ANKRD30BL: variants seen among roughly 807,000 people sequenced by gnomAD.
The protein encoded by ANKRD30BL is ankyrin repeat domain 30B like.
In ANKRD30BL, 20 loss-of-function variants were observed where a neutral mutation model predicts 18.4. The ratio of observed to expected loss-of-function variants is 1.09; its 90% CI spans 0.77 to 1.58. The LOEUF (loss-of-function observed/expected upper bound fraction) is 1.58. ANKRD30BL is among the 40% of genes most tolerant of loss of function. The pLI is 0.00. For synonymous variants in ANKRD30BL, 72 were observed against 100.9 expected (o/e 0.71, Z 1.72); for missense variants, 224 against 268.6 (o/e 0.83, Z 1.16).
At chr2:132,177,443 T>G (rs1688383808) in intron 1 of ANKRD30BL, among the ~76,000 whole-genome samples, 1 of 152,202 alleles carries the variant, frequency 6.6e-6, no homozygotes, top group Non-Finnish European at 1.5e-5. Context: ...TGAGCCACTG[T>G]GCCCAGTTGT....
intron 1 of ANKRD30BL, among the ~76,000 whole-genome samples, chr2:132,214,926 T>G (rs575933153): frequency 1.4e-3 from 208 of 152,054 alleles, no homozygotes; most frequent in African/African-American, 4.7e-3. Flanking sequence ...TTCTTTGTAT[T>G]GAGCAGGTTT....
chr2:132,164,683 C>T (rs188649595), upstream of ANKRD30BL, among the ~76,000 whole-genome samples: 1 of 152,322 alleles, frequency 6.6e-6, no homozygotes, highest in East Asian at 1.9e-4. Flanking sequence ...GATTTTCTAT[C>T]ACATTCTGCA....
In ANKRD30BL at chr2:132,157,421, G is replaced by A; in HGVS notation, c.221C>T (p.Thr74Ile). Reference sequence around the variant, plus strand: ...ATTGGCACAGGCCCAGTATAGAGCAGTCCTACAAGAATGAGAGGCCTTTTA... The same window carrying A: ...ATTGGCACAGGCCCAGTATAGAGCAATCCTACAAGAATGAGAGGCCTTTTA... ...DLNIRDAKKRTALYWACANGH... is the reference protein window; with the variant it reads ...DLNIRDAKKRIALYWACANGH... The change falls in exon 2 of 6, where the codon ACT (threonine) becomes ATT (isoleucine). Residue 74 changes from threonine to isoleucine, a missense_variant and splice_region_variant. Physicochemically the swap from Thr to Ile is moderately conservative, Grantham distance 89 (BLOSUM62 -1). Transcript: ENST00000409867. 1.5e-6 allele frequency: 1 copy of A among 671,838 alleles called. No individual in the cohort carries two copies. The highest frequency in any genetic ancestry group is 2.7e-6 in the Non-Finnish European group (1 of 363,792). The allele number at this position is 671,838 out of a possible 1,614,324, so 41.6% of individuals were successfully genotyped here.
At chr2:132,194,424 C>T (rs190477351) in intron 1 of ANKRD30BL, among the ~76,000 whole-genome samples, 117 of 152,368 alleles carry the variant, frequency 7.7e-4, no homozygotes, top group African/African-American at 2.7e-3. Flanking sequence ...TCTGGAAGCA[C>T]TTCTACACTT....
chr2:132,231,931 C>A (rs1220819408), intron 1 of ANKRD30BL, among the ~76,000 whole-genome samples: 1 of 152,218 alleles, frequency 6.6e-6, no homozygotes, highest in African/African-American at 2.4e-5. Flanking sequence ...ACTTAAATGT[C>A]CCTGTCTGAC....
At chr2:132,172,357 A>G (rs1253102581) in intron 1 of ANKRD30BL, among the ~76,000 whole-genome samples, 1 of 152,200 alleles carries the variant, frequency 6.6e-6, no homozygotes, top group African/African-American at 2.4e-5. Flanking sequence ...AAGTGTTCCC[A>G]TTGACTCTAA....
At chr2:132,246,158 G>A (rs1215137627) in intron 1 of ANKRD30BL, among the ~76,000 whole-genome samples, 4 of 151,992 alleles carry the variant, frequency 2.6e-5, no homozygotes, top group East Asian at 1.9e-4. Context: ...AGCATTCTCC[G>A]AAACTTCTTT....
chr2:132,202,460 A>G (rs1185684077), intron 1 of ANKRD30BL, among the ~76,000 whole-genome samples: 1 of 151,524 alleles, frequency 6.6e-6, no homozygotes, highest in Non-Finnish European at 1.5e-5. Context: ...TGGGACTTGA[A>G]TATTTTAAGA....
At chr2:132,254,648 AGGGTAG>A (rs1042468604) in intron 1 of ANKRD30BL, among the ~76,000 whole-genome samples, 4 of 152,352 alleles carry the variant, frequency 2.6e-5, no homozygotes, top group Admixed American at 2.0e-4. Flanking sequence ...TCTGCCACAT[AGGGTAG>A]GCACACGCTG....
intron 1 of ANKRD30BL, among the ~76,000 whole-genome samples, chr2:132,224,213 T>C (rs1679779392): frequency 6.6e-6 from 1 of 152,050 alleles, no homozygotes; most frequent in African/African-American, 2.4e-5. Flanking sequence ...TGAACCTTTC[T>C]TTTGATAGAG....
chr2:132,225,963 G>T (rs1057381213), intron 1 of ANKRD30BL, among the ~76,000 whole-genome samples: 20 of 152,096 alleles, frequency 1.3e-4, no homozygotes, highest in Non-Finnish European at 2.6e-4. Flanking sequence ...GAATCTGCAA[G>T]TGGACATTTG....
intron 1 of ANKRD30BL, among the ~76,000 whole-genome samples, chr2:132,204,434 TATA>T (rs1228931684): frequency 3.7e-3 from 480 of 129,996 alleles, no homozygotes; most frequent in African/African-American, 5.6e-3. Context: ...TGTCTATACT[TATA>T]CTATATACAT....
At chr2:132,254,277 G>T (rs572228832) in intron 1 of ANKRD30BL, among the ~76,000 whole-genome samples, 32 of 152,188 alleles carry the variant, frequency 2.1e-4, no homozygotes, top group African/African-American at 7.2e-4. Context: ...CCATGCATGC[G>T]CCACAGGGGA....
chr2:132,150,547 A>T (rs556000421), intron 5 of ANKRD30BL, among the ~76,000 whole-genome samples: 6 of 151,736 alleles, frequency 4.0e-5, no homozygotes, highest in African/African-American at 1.4e-4. Flanking sequence ...CACACCAAGG[A>T]TTATACATTT....
At chr2:132,224,550 C>G (rs1181729402) in intron 1 of ANKRD30BL, among the ~76,000 whole-genome samples, 1 of 152,010 alleles carries the variant, frequency 6.6e-6, no homozygotes, top group African/African-American at 2.4e-5. Flanking sequence ...GCTGAACTTT[C>G]TTTTGATAGA....
intron 1 of ANKRD30BL, among the ~76,000 whole-genome samples, chr2:132,224,926 T>A (rs188952018): frequency 6.6e-6 from 1 of 151,844 alleles, no homozygotes; most frequent in Non-Finnish European, 1.5e-5. Context: ...CTTTGCAGAA[T>A]CTGGAAGTGG....
chr2:132,191,363 G>C (rs1007248549), intron 1 of ANKRD30BL, among the ~76,000 whole-genome samples: 2 of 152,034 alleles, frequency 1.3e-5, no homozygotes, highest in African/African-American at 4.8e-5. Flanking sequence ...AAGTAAAGCT[G>C]CTATGTTCAT....
intron 1 of ANKRD30BL, among the ~76,000 whole-genome samples, chr2:132,174,753 T>G (rs1481012221): frequency 6.6e-6 from 1 of 152,218 alleles, no homozygotes; most frequent in Non-Finnish European, 1.5e-5. Context: ...GTGAATTGAT[T>G]ATATGCCATT....
intron 1 of ANKRD30BL, among the ~76,000 whole-genome samples, chr2:132,255,313 C>T (rs1680799313): frequency 1.3e-5 from 2 of 152,174 alleles, no homozygotes; most frequent in South Asian, 4.2e-4. Context: ...GTTCCGAAAA[C>T]CAACAAAATA....
Sources: allele counts gnomAD v4.1 joint callset (sites outside exome capture counted in the v4.1 genomes callset), GRCh38; gene constraint gnomAD v4.1.1; transcripts MANE v1.5; gene names NCBI Gene and HGNC (gene_info 2026-07-23, HGNC 2026-07-21).